The following SLC10A7 variants were observed in gnomAD, a reference collection of about 807,000 sequenced individuals.
SLC10A7 encodes sodium/bile acid cotransporter 7.
In SLC10A7, 29 loss-of-function variants were observed where a neutral mutation model predicts 43.2. That is an observed-to-expected ratio of 0.67 (90% CI 0.50 to 0.92). The LOEUF is 0.92. Ranked by LOEUF, SLC10A7 falls within the 40% of genes least tolerant of loss-of-function variation. The pLI, the probability that SLC10A7 is intolerant of heterozygous loss-of-function variation, is 0.00. For synonymous variants in SLC10A7, 152 were observed against 144.8 expected (o/e 1.05, Z -0.35); for missense variants, 295 against 403.2 (o/e 0.73, Z 2.30).
chr4:146,421,311 T>C (rs2149848408), intron 5 of SLC10A7, among the ~76,000 whole-genome samples: 1 of 152,326 alleles, frequency 6.6e-6, no homozygotes, highest in Admixed American at 6.5e-5. Context: ...AAGAAAGTTT[T>C]TCCTTTTTCT....
At chr4:146,419,023 T>C (rs774637568) in intron 5 of SLC10A7, among the ~76,000 whole-genome samples, 3 of 152,212 alleles carry the variant, frequency 2.0e-5, no homozygotes, top group Non-Finnish European at 4.4e-5. Context: ...AAGATATGCA[T>C]AAGGCAAGGC....
chr4:146,457,067 G>A (rs955695883), intron 4 of SLC10A7, among the ~76,000 whole-genome samples: 10 of 151,900 alleles, frequency 6.6e-5, no homozygotes, highest in Non-Finnish European at 1.2e-4. Flanking sequence ...TGCTATTGTG[G>A]TGCAAAAGCA....
chr4:146,363,642 A>G (rs1736204408), intron 5 of SLC10A7, among the ~76,000 whole-genome samples: 4 of 152,308 alleles, frequency 2.6e-5, no homozygotes, highest in Admixed American at 2.6e-4. Context: ...AAATGAAATC[A>G]TATGAATTAT....
At chr4:146,311,232 G>C (rs772041477) in intron 6 of SLC10A7, among the ~76,000 whole-genome samples, 1 of 152,076 alleles carries the variant, frequency 6.6e-6, no homozygotes, top group Admixed American at 6.6e-5. Context: ...GAATCTGGGG[G>C]TCCACTTGGT....
At chr4:146,384,879 TA>T (rs1014453818) in intron 5 of SLC10A7, among the ~76,000 whole-genome samples, 12 of 152,216 alleles carry the variant, frequency 7.9e-5, no homozygotes, top group African/African-American at 2.9e-4. Flanking sequence ...CACTGCTTTT[TA>T]ATGTGCCCAT....
At chr4:146,420,745 C>A (rs1728904644) in intron 5 of SLC10A7, among the ~76,000 whole-genome samples, 1 of 152,058 alleles carries the variant, frequency 6.6e-6, no homozygotes, top group African/African-American at 2.4e-5. Context: ...GTTTCAACAG[C>A]TGGGCACGGT....
chr4:146,340,040 T>C (rs1734151692), intron 5 of SLC10A7, among the ~76,000 whole-genome samples: 3 of 151,820 alleles, frequency 2.0e-5, no homozygotes, highest in Admixed American at 2.0e-4. Flanking sequence ...ATATCAGTAG[T>C]TGCTTCTTTC....
In SLC10A7 at chr4:146,363,446, C is replaced by T. The variant is rs540898348; in HGVS notation, c.436-37450G>A. 3.3e-5 allele frequency among the ~76,000 whole-genome samples: 5 copies of T among 152,190 alleles called. No individual in the cohort carries two copies. In the East Asian group the frequency reaches 9.6e-4, roughly 29 times the overall value. Reference sequence around the variant, plus strand: ...TCAACACCCTACTTTCAGCAGTGAACACATCATCCAGACAGAAATCCAACA... The same window carrying T: ...TCAACACCCTACTTTCAGCAGTGAATACATCATCCAGACAGAAATCCAACA... On this transcript the variant is annotated intron_variant, in intron 5 of 11. Transcript: ENST00000335472.
intron 5 of SLC10A7, among the ~76,000 whole-genome samples, chr4:146,439,338 C>T (rs1269691453): frequency 6.6e-6 from 1 of 151,910 alleles, no homozygotes; most frequent in African/African-American, 2.4e-5. Context: ...TACCCAGATG[C>T]CTGAAAATCA....
At position 146,388,690 on chromosome 4, in the gene SLC10A7, T is replaced by C. The variant is rs541662344; in HGVS notation, c.435+54093A>G. Among the ~76,000 whole-genome samples, 3 of 149,224 alleles carry C rather than the reference T, an allele frequency of 2.0e-5. No homozygotes were observed. In the South Asian group the frequency reaches 6.4e-4, roughly 32 times the overall value. On this transcript the variant is annotated intron_variant, in intron 5 of 11. Coordinates refer to ENST00000335472, the MANE Select transcript of SLC10A7 (RefSeq NM_001029998.6). The stretch of plus-strand genomic sequence containing the variant: ...AGGAGAATGGCGTGAACCCAGGAGG[T>C]GGAGCTTGCAGTGAGCCGAGATGTT...
intron 4 of SLC10A7, among the ~76,000 whole-genome samples, chr4:146,485,089 A>G (rs1734797347): frequency 1.3e-5 from 2 of 152,354 alleles, no homozygotes; most frequent in Middle Eastern, 6.8e-3. Context: ...ATATGTAGGA[A>G]AAGAAGCAAA....
intron 11 of SLC10A7, among the ~76,000 whole-genome samples, chr4:146,258,385 A>C (rs144292996): frequency 1.9e-3 from 289 of 152,356 alleles, no homozygotes; most frequent in Non-Finnish European, 3.3e-3. Context: ...GCAGGTATCT[A>C]TTTGGAGTAT....
rs34522588 is a variant in SLC10A7 at position 146,335,251 on chromosome 4, TA to T, written c.436-9256del. On this transcript the variant is annotated intron_variant, in intron 5 of 11. Coordinates refer to ENST00000335472, the MANE Select transcript of SLC10A7 (RefSeq NM_001029998.6). ...CATTAAAGTGTTGCCACAGATGTTG[TA>T]AAAAAAAAAAAAAAAAAAAAAAAAA... Among the ~76,000 whole-genome samples, 390 of 92,622 alleles carry T rather than the reference TA, an allele frequency of 4.2e-3. 1 individual carries two copies. Among genetic ancestry groups the T allele is most frequent in the Middle Eastern group, 6.9e-3 (1 of 144 alleles). The allele number at this position is 92,622 out of a possible 152,430, so 60.8% of individuals were successfully genotyped here. A position where few individuals can be genotyped will look rare whatever the true frequency, so the allele number is the denominator to read the frequency against.
chr4:146,434,886 G>T (rs1730088349), intron 5 of SLC10A7, among the ~76,000 whole-genome samples: 1 of 152,126 alleles, frequency 6.6e-6, no homozygotes, highest in South Asian at 2.1e-4. Flanking sequence ...AGTAAAATAA[G>T]TGTTTCTCAA....
At chr4:146,310,625 T>C (rs1264393902) in intron 6 of SLC10A7, among the ~76,000 whole-genome samples, 1 of 152,142 alleles carries the variant, frequency 6.6e-6, no homozygotes, top group Admixed American at 6.5e-5. Flanking sequence ...ATGTCTTCTT[T>C]TGAGAAGCAG....
At chr4:146,272,716 A>G (rs1484200124) in intron 10 of SLC10A7, among the ~76,000 whole-genome samples, 1 of 152,174 alleles carries the variant, frequency 6.6e-6, no homozygotes, top group African/African-American at 2.4e-5. Flanking sequence ...CTTTAAGTGG[A>G]TGGGCTCTCC....
At chr4:146,412,632 A>G (rs536040417) in intron 5 of SLC10A7, among the ~76,000 whole-genome samples, 1 of 152,236 alleles carries the variant, frequency 6.6e-6, no homozygotes, top group East Asian at 1.9e-4. Flanking sequence ...GGATTAATAC[A>G]TTTTTAAGGA....
intron 4 of SLC10A7, among the ~76,000 whole-genome samples, chr4:146,479,890 CAT>C (rs1178785042): frequency 6.6e-6 from 1 of 152,094 alleles, no homozygotes; most frequent in Non-Finnish European, 1.5e-5. Flanking sequence ...CATTATACCA[CAT>C]GTTAATGTAT....
intron 2 of SLC10A7, 93 bp from the exon 3 acceptor site, chr4:146,510,142 T>C: frequency 7.9e-7 from 1 of 1,267,330 alleles, no homozygotes; most frequent in Admixed American, 2.9e-5. Context: ...AGTTAGTTCT[T>C]AATTTTGGGT....
Sources: allele counts gnomAD v4.1 joint callset (sites outside exome capture counted in the v4.1 genomes callset), GRCh38; gene constraint gnomAD v4.1.1; transcripts MANE v1.5; gene names NCBI Gene and HGNC (gene_info 2026-07-23, HGNC 2026-07-21).